The following CD1B variants were observed in gnomAD, a reference collection of about 807,000 sequenced individuals.
CD1B encodes the protein T-cell surface glycoprotein CD1b.
Under a neutral mutation model 39.8 loss-of-function variants are expected in CD1B, and 43 were observed. The observed-to-expected ratio is 1.08, with a 90% CI of 0.85 to 1.39. The LOEUF (loss-of-function observed/expected upper bound fraction) is 1.39, where lower values mean the gene tolerates loss of function less well. CD1B is among the 40% of genes most tolerant of loss of function. The pLI is 0.00. For synonymous variants in CD1B, 192 were observed against 152.5 expected, an observed-to-expected ratio of 1.26 and a Z score of -1.91; for missense variants, 495 against 403.8, an observed-to-expected ratio of 1.23 and a Z score of -1.94.
the CD1B span, among the ~76,000 whole-genome samples, chr1:158,301,790 T>C: frequency 2.0e-5 from 3 of 152,146 alleles, no homozygotes; most frequent in Non-Finnish European, 4.4e-5. Flanking sequence ...ATGGAGTATC[T>C]TTGTGGTGTT....
At chr1:158,291,870 C>T in the CD1B span, among the ~76,000 whole-genome samples, 135 of 152,224 alleles carry the variant, frequency 8.9e-4, no homozygotes, top group African/African-American at 3.1e-3. Context: ...TCCTTGGCCA[C>T]TTTTTCTTGT....
At chr1:158,315,751 G>A in the CD1B span, among the ~76,000 whole-genome samples, 140 of 152,122 alleles carry the variant, frequency 9.2e-4, no homozygotes, top group African/African-American at 3.1e-3. Flanking sequence ...GTCCTGAATG[G>A]TATTGCCTAG....
the CD1B span, among the ~76,000 whole-genome samples, chr1:158,300,329 C>T: frequency 1.3e-5 from 2 of 152,170 alleles, no homozygotes; most frequent in Admixed American, 1.3e-4. Context: ...TTTGATTGCA[C>T]TGTGGTCCGA....
At chr1:158,325,155 G>A (rs556336868), downstream of CD1B, among the ~76,000 whole-genome samples, 1 of 152,136 alleles carries the variant, frequency 6.6e-6, no homozygotes, top group African/African-American at 2.4e-5. Flanking sequence ...AGTAATAAGT[G>A]AAGAATGTTT....
At chr1:158,307,408 C>T in the CD1B span, among the ~76,000 whole-genome samples, 1 of 152,196 alleles carries the variant, frequency 6.6e-6, no homozygotes, top group Admixed American at 6.5e-5. Context: ...CCTGAATAGA[C>T]CAATAACAGG....
intron 2 of CD1B, chr1:158,330,393 A>C: frequency 1.7e-6 from 1 of 571,722 alleles, no homozygotes; most frequent in South Asian, 2.0e-5. Context: ...TGCAGTCAGG[A>C]GTGCAGCATT....
the CD1B span, among the ~76,000 whole-genome samples, chr1:158,307,462 A>T: frequency 1.3e-5 from 2 of 152,188 alleles, no homozygotes; most frequent in Non-Finnish European, 2.9e-5. Context: ...AATCAAAAAA[A>T]GTCCAGGACC....
At chr1:158,321,929 C>G in the CD1B span, among the ~76,000 whole-genome samples, 1 of 152,138 alleles carries the variant, frequency 6.6e-6, no homozygotes, top group Non-Finnish European at 1.5e-5. Context: ...TCATCCACCA[C>G]ACTCAGGCCC....
At chr1:158,330,634 T>A (rs1201746020) in intron 2 of CD1B, 162 bp downstream of exon 2, 2 of 774,896 alleles carry the variant, frequency 2.6e-6, no homozygotes, top group Non-Finnish European at 4.7e-6. Context: ...ATATGAGGTG[T>A]GATGGTGTGA....
the CD1B span, among the ~76,000 whole-genome samples, chr1:158,314,725 A>G: frequency 1.3e-5 from 2 of 151,930 alleles, no homozygotes; most frequent in Non-Finnish European, 2.9e-5. Flanking sequence ...TTACGTATGT[A>G]TACATGTGCC....
In CD1B at chr1:158,329,544, A is replaced by T; in HGVS notation, c.712T>A (p.Trp238Arg). 6.2e-7 allele frequency: 1 copy of T among 1,614,136 alleles called. No individual in the cohort carries two copies. The highest frequency in any genetic ancestry group is 8.5e-7 in the Non-Finnish European group (1 of 1,180,026). Residue 238 changes from tryptophan (W) to arginine (R), a missense_variant, in exon 4 of 6, where the codon TGG becomes AGG. Transcript: ENST00000368168. ...GFYPKPVWVM[W>R]MRGEQEQQGT... Reference sequence around the variant, plus strand: ...TGCTGCTCCTGCTCACCCCGCATCCACATCACCCACACGGGCTTTGGGTAG... The same window carrying T: ...TGCTGCTCCTGCTCACCCCGCATCCTCATCACCCACACGGGCTTTGGGTAG...
the CD1B span, chr1:158,292,516 C>T: frequency 3.3e-6 from 5 of 1,509,560 alleles, no homozygotes; most frequent in Non-Finnish European, 4.5e-6. Context: ...GATAACTGTG[C>T]ATATTCATGT....
the CD1B span, chr1:158,291,201 A>C: frequency 1.9e-6 from 3 of 1,613,502 alleles, no homozygotes; most frequent in Non-Finnish European, 2.5e-6. Context: ...CCTGGGCACG[A>C]GGTCAGGGCT....
chr1:158,316,455 G>C, the CD1B span, among the ~76,000 whole-genome samples: 1 of 151,754 alleles, frequency 6.6e-6, no homozygotes, highest in African/African-American at 2.4e-5. Context: ...TTGGCTCTCT[G>C]TTTGTCTGTT....
chr1:158,305,005 C>A, the CD1B span, among the ~76,000 whole-genome samples: 1 of 152,080 alleles, frequency 6.6e-6, no homozygotes, highest in African/African-American at 2.4e-5. Flanking sequence ...AGCAGAAAAA[C>A]TGGAAACTCT....
the CD1B span, among the ~76,000 whole-genome samples, chr1:158,286,108 A>C: frequency 2.0e-5 from 3 of 152,126 alleles, no homozygotes; most frequent in African/African-American, 7.2e-5. Flanking sequence ...GGCAAACACA[A>C]CAACGTCTGT....
the CD1B span, among the ~76,000 whole-genome samples, chr1:158,311,596 C>T: frequency 1.3e-5 from 2 of 151,928 alleles, no homozygotes; most frequent in Admixed American, 1.3e-4. Context: ...TGAAGCATTC[C>T]CCTATATTTT....
At chr1:158,305,613 C>T in the CD1B span, among the ~76,000 whole-genome samples, 2 of 152,076 alleles carry the variant, frequency 1.3e-5, no homozygotes, top group South Asian at 2.1e-4. Flanking sequence ...AAGAGCAACT[C>T]CAAGACACAT....
rs769119054 is a variant in CD1B, at chr1:158,329,851, C to A, written c.607+1G>T. The A allele has an allele frequency of 2.2e-5, 35 of 1,611,912 alleles. No individual in the cohort carries two copies. Among genetic ancestry groups the A allele is most frequent in the Non-Finnish European group, 2.6e-5 (31 of 1,178,890 alleles). ...GGAAGTGAAATAACAGCAGGACTAA[C>A]CTTGTCTTTGCAGATCTGCTTTTCC... On this transcript the variant is annotated splice_donor_variant, in intron 3 of 5. Transcript: ENST00000368168. LOFTEE classifies it high-confidence loss of function.
Sources: gnomAD v4.1 joint callset for allele counts (sites outside exome capture counted in the v4.1 genomes callset) on GRCh38, gnomAD v4.1.1 for gene constraint, MANE v1.5 for transcripts, NCBI Gene and HGNC (gene_info 2026-07-23, HGNC 2026-07-21) for gene names.